The following ATP8A2 variants were observed in gnomAD, a reference collection of about 807,000 sequenced individuals.
ATP8A2 encodes the protein phospholipid-transporting ATPase IB.
In ATP8A2, 100 loss-of-function variants were observed where a neutral mutation model predicts 165.6. That is an observed-to-expected ratio of 0.60 (90% CI 0.51 to 0.71). ATP8A2 has a LOEUF of 0.71. ATP8A2 is among the 30% of genes least tolerant of loss of function. The pLI, the probability that ATP8A2 is intolerant of heterozygous loss-of-function variation, is 0.00. For missense variants in ATP8A2, 1,227 were observed against 1,479.5 expected, an observed-to-expected ratio of 0.83 and a Z score of 2.80; for synonymous variants, 543 against 548.8, an observed-to-expected ratio of 0.99 and a Z score of 0.15.
chr13:25,699,220 G>T lies in ATP8A2; in HGVS notation c.2259G>T (p.Leu753Phe). The change falls in exon 25 of 37, where the codon TTG becomes TTT. Residue 753 changes from leucine (L) to phenylalanine (F), a missense_variant. By Grantham distance (22) the Leu-to-Phe change is conservative (BLOSUM62 0). Coordinates refer to ENST00000381655, the MANE Select transcript of ATP8A2 (RefSeq NM_016529.6). ...AGCACTGCACTGACCTTGGGAATTT[G>T]CTGGGCAAGGAAAATGACGTGGCCC... ...ITQHCTDLGNLLGKENDVALI... is the reference protein window; with the variant it reads ...ITQHCTDLGNFLGKENDVALI... 1 of 1,613,026 alleles carries T rather than the reference G, an allele frequency of 6.2e-7. No homozygotes were observed. Among genetic ancestry groups the T allele is most frequent in the South Asian group, 1.1e-5 (1 of 90,740 alleles).
At chr13:25,548,169 T>C (rs2038710895) in intron 10 of ATP8A2, among the ~76,000 whole-genome samples, 1 of 152,186 alleles carries the variant, frequency 6.6e-6, no homozygotes, top group Admixed American at 6.5e-5. Context: ...GAGGTTGCAG[T>C]GATCCATGAT....
At chr13:25,669,936 G>A (rs2042231524) in intron 24 of ATP8A2, among the ~76,000 whole-genome samples, 1 of 152,142 alleles carries the variant, frequency 6.6e-6, no homozygotes, top group African/African-American at 2.4e-5. Context: ...TTAAGAATAA[G>A]GTTTACTTTA....
intron 24 of ATP8A2, among the ~76,000 whole-genome samples, chr13:25,623,747 ATG>A (rs919548783): frequency 6.6e-6 from 1 of 151,872 alleles, no homozygotes. Context: ...TTATAGAAAT[ATG>A]TGTGTGTGTG....
chr13:25,744,579 G>A (rs1331507446), intron 25 of ATP8A2, among the ~76,000 whole-genome samples: 1 of 152,154 alleles, frequency 6.6e-6, no homozygotes, highest in Non-Finnish European at 1.5e-5. Context: ...AAAATAATTA[G>A]GAAGTAATAG....
chr13:25,898,636 G>A (rs1300524228), intron 33 of ATP8A2, among the ~76,000 whole-genome samples: 1 of 152,228 alleles, frequency 6.6e-6, no homozygotes, highest in Admixed American at 6.5e-5. Context: ...GGAGCCTACA[G>A]AGGCAGGCAG....
At chr13:25,510,174 A>AC in intron 2 of ATP8A2, among the ~76,000 whole-genome samples, 1 of 128,602 alleles carries the variant, frequency 7.8e-6, no homozygotes, top group African/African-American at 3.0e-5. Context: ...GTCTGTCTGT[A>AC]ACACACACAC....
intron 33 of ATP8A2, among the ~76,000 whole-genome samples, chr13:25,938,437 CAA>C (rs1327918701): frequency 6.6e-6 from 1 of 152,180 alleles, no homozygotes; most frequent in African/African-American, 2.4e-5. Context: ...CAGGAAATTA[CAA>C]AGTTATGGAT....
intron 30 of ATP8A2, among the ~76,000 whole-genome samples, chr13:25,847,678 G>A (rs1314317518): frequency 6.6e-6 from 1 of 152,178 alleles, no homozygotes. Context: ...GTGGAGAAGT[G>A]CATTGTTCGC....
chr13:25,689,798 G>A (rs1422651818), intron 24 of ATP8A2, among the ~76,000 whole-genome samples: 20 of 152,120 alleles, frequency 1.3e-4, no homozygotes, highest in Admixed American at 1.3e-3. Context: ...ACATAGCTGA[G>A]TGGTGGCTTG....
chr13:25,559,682 A>G (rs1231019027), intron 14 of ATP8A2, 39 bp from the exon 15 acceptor site: 1 of 1,552,404 alleles, frequency 6.4e-7, no homozygotes, highest in Non-Finnish European at 8.9e-7. Flanking sequence ...TCTTTTGATC[A>G]CAGTTTTGTG....
At chr13:25,464,748 G>A (rs2035591188) in intron 1 of ATP8A2, among the ~76,000 whole-genome samples, 1 of 152,192 alleles carries the variant, frequency 6.6e-6, no homozygotes, top group African/African-American at 2.4e-5. Flanking sequence ...ACAGAGAAGG[G>A]AGCAGCTGGT....
chr13:25,885,264 CAGCATGCCT>C (rs1953109518), intron 33 of ATP8A2, among the ~76,000 whole-genome samples: 1 of 136,734 alleles, frequency 7.3e-6, no homozygotes, highest in Non-Finnish European at 1.5e-5. Flanking sequence ...AGGTGCCCAC[CAGCATGCCT>C]GGCTAATTTT....
At chr13:25,830,156 A>G (rs1313263281) in intron 28 of ATP8A2, among the ~76,000 whole-genome samples, 1 of 151,694 alleles carries the variant, frequency 6.6e-6, no homozygotes, top group Admixed American at 6.6e-5. Context: ...CCATGGGCAA[A>G]TGCCACCACA....
chr13:25,946,472 T>A (rs1045703643), intron 33 of ATP8A2, among the ~76,000 whole-genome samples: 3 of 152,180 alleles, frequency 2.0e-5, no homozygotes, highest in African/African-American at 7.2e-5. Context: ...TCCATGTCCA[T>A]CCCAACATCT....
intron 25 of ATP8A2, among the ~76,000 whole-genome samples, chr13:25,746,783 C>A (rs2044041599): frequency 6.6e-6 from 1 of 152,150 alleles, no homozygotes; most frequent in African/African-American, 2.4e-5. Context: ...GAAGACTGAA[C>A]CATATAAACA....
In ATP8A2 at chr13:25,414,271, A is replaced by G. The variant is rs568953804; in HGVS notation, c.76+41983A>G. 1.8e-4 allele frequency among the ~76,000 whole-genome samples: 27 copies of G among 149,844 alleles called. No individual in the cohort carries two copies. In the East Asian group the frequency reaches 5.1e-3, roughly 28 times the overall value. ...AATGATGCAATCTCAGCTCACTGCA[A>G]TCTCTGCCTCCCGGGTTCAAGCGAT... is the stretch of plus-strand genomic sequence containing the variant. On this transcript the variant is annotated intron_variant, in intron 1 of 36. Transcript: ENST00000381655.
At chr13:25,616,737 A>G (rs9551213) in intron 24 of ATP8A2, among the ~76,000 whole-genome samples, 8,191 of 152,182 alleles carry the variant, frequency 0.054, 506 homozygotes, top group East Asian at 0.21. Context: ...GGATGCTTCA[A>G]TTTCAGCAAC....
intron 24 of ATP8A2, among the ~76,000 whole-genome samples, chr13:25,609,519 A>AATAT (rs71077489): frequency 4.4e-4 from 16 of 36,048 alleles, no homozygotes; most frequent in Non-Finnish European, 1.6e-3. Context: ...AAGGATTCCA[A>AATAT]ATATATATAT....
chr13:25,420,632 T>C (rs565375059), intron 1 of ATP8A2, among the ~76,000 whole-genome samples: 36 of 152,340 alleles, frequency 2.4e-4, no homozygotes, highest in Non-Finnish European at 3.4e-4. Flanking sequence ...GGCTGATCTG[T>C]GCAGCAAAAC....
Sources: gnomAD v4.1 joint callset for allele counts (sites outside exome capture counted in the v4.1 genomes callset) on GRCh38, gnomAD v4.1.1 for gene constraint, MANE v1.5 for transcripts, NCBI Gene and HGNC (gene_info 2026-07-23, HGNC 2026-07-21) for gene names.